Variants in MYT1 observed in about 807,000 individuals in gnomAD.
MYT1 encodes the protein myelin transcription factor 1, also known as myelin transcription factor I.
Under a neutral mutation model 123.0 loss-of-function variants are expected in MYT1, and 23 were observed. The observed-to-expected ratio is 0.19, with a 90% CI of 0.13 to 0.26. The LOEUF is 0.26. Ranked by LOEUF, MYT1 falls within the 10% of genes least tolerant of loss-of-function variation. The probability of loss-of-function intolerance (pLI) is 1.00; values close to 1 mark genes in which losing one functional copy is unlikely to be tolerated. For missense variants in MYT1, 1,125 were observed against 1,472.5 expected (o/e 0.76, Z 3.86); for synonymous variants, 518 against 575.3 (o/e 0.90, Z 1.43).
intron 10 of MYT1, among the ~76,000 whole-genome samples, chr20:64,214,241 G>A (rs998910820): frequency 2.6e-5 from 4 of 152,122 alleles, no homozygotes; most frequent in Non-Finnish European, 5.9e-5. Context: ...ATGTTCACAC[G>A]CCTGTTTGTG....
Position 64,213,826 on chromosome 20 carries a change from C to T in MYT1, c.1631+179C>T, listed in dbSNP as rs375079260. 1.8e-3 allele frequency among the ~76,000 whole-genome samples: 269 copies of T among 152,260 alleles called. 15 individuals carry two copies. In the South Asian group the frequency reaches 0.054, roughly 31 times the overall value. The stretch of plus-strand genomic sequence containing the variant: ...CCCGGGCCCCCCAGGAGCAGAACTG[C>T]GGGGCAGTTTTGGAGCCACACAGGA... On this transcript the variant is annotated intron_variant, in intron 10 of 22. Transcript: ENST00000328439. The surrounding 1 kb of genome is among the most constrained non-coding windows in gnomAD (Gnocchi z 5.6).
intron 1 of MYT1, among the ~76,000 whole-genome samples, chr20:64,181,130 A>G (rs189767094): frequency 6.6e-6 from 1 of 151,938 alleles, no homozygotes; most frequent in African/African-American, 2.4e-5. Flanking sequence ...ACTTTTTCCC[A>G]CTTCAAAAGC....
rs769540275 is a variant in MYT1 at position 64,212,110 on chromosome 20, G to A, written c.1489G>A (p.Val497Met). Residue 497 changes from valine (V) to methionine (M), a missense_variant, in exon 9 of 23, where the codon GTG becomes ATG. This residue lies in a region of MYT1 where 429 missense variants were observed against 604.1 expected (regional missense o/e 0.71). Transcript: ENST00000328439. The surrounding 1 kb of genome is among the most constrained non-coding windows in gnomAD (Gnocchi z 6.8). ...PTPGCTGQGH[V>M]NSNRNTHRSL... ...TCCTGGCTGCACAGGCCAGGGTCACGTGAACAGCAACCGCAACACGCACAG... is the reference window on the plus strand; with the variant it reads ...TCCTGGCTGCACAGGCCAGGGTCACATGAACAGCAACCGCAACACGCACAG... 2 of 1,613,312 alleles carry A rather than the reference G, an allele frequency of 1.2e-6. No homozygotes were observed.
At chr20:64,207,265 A>G (rs1568710360) in intron 6 of MYT1, among the ~76,000 whole-genome samples, 1 of 152,364 alleles carries the variant, frequency 6.6e-6, no homozygotes, top group East Asian at 1.9e-4. Context: ...ATTGTATACA[A>G]TGCAGGTTTA....
chr20:64,207,803 G>C lies in MYT1; in HGVS notation c.607G>C (p.Glu203Gln). The C allele has an allele frequency of 1.2e-6, 2 of 1,613,928 alleles. No individual in the cohort carries two copies. Among genetic ancestry groups the C allele is most frequent in the Non-Finnish European group, 1.7e-6 (2 of 1,179,976 alleles). Reference protein sequence around the residue: ...GIVHLLQEAAEGAASEEGEKG... With the variant: ...GIVHLLQEAAQGAASEEGEKG... ...TGTGCACCTGCTTCAGGAGGCTGCA[G>C]AGGGAGCTGCCAGCGAGGAGGGTGA... The change falls in exon 7 of 23, where the codon GAG (glutamate) becomes CAG (glutamine). Residue 203 changes from glutamate to glutamine, a missense_variant. By Grantham distance (29) the Glu-to-Gln change is conservative. Coordinates refer to ENST00000328439, the MANE Select transcript of MYT1 (RefSeq NM_004535.3).
chr20:64,228,044 A>AACTCCT, intron 18 of MYT1, 73 bp downstream of exon 18: 1 of 1,406,640 alleles, frequency 7.1e-7, no homozygotes, highest in Admixed American at 1.9e-5. Flanking sequence ...AATGTAAAAA[A>AACTCCT]ACTCCTACTA....
Position 64,232,823 on chromosome 20 carries a change from G to C in MYT1, c.2897+438G>C, listed in dbSNP as rs145148281. Among the ~76,000 whole-genome samples, 406 of 146,368 alleles carry C rather than the reference G, an allele frequency of 2.8e-3. 2 individuals carry two copies. The highest frequency in any genetic ancestry group is 0.016 in the East Asian group (82 of 5,120). Reference sequence around the variant, plus strand: ...GTCTCCTACACCTTATGCCCTGTCCGTCCCATTCATGCCTCTTCTTTGAAC... The same window carrying C: ...GTCTCCTACACCTTATGCCCTGTCCCTCCCATTCATGCCTCTTCTTTGAAC... On this transcript the variant is annotated intron_variant, in intron 19 of 22. Coordinates refer to ENST00000328439, the MANE Select transcript of MYT1 (RefSeq NM_004535.3). The surrounding 1 kb of genome is among the most constrained non-coding windows in gnomAD (Gnocchi z 6.9).
chr20:64,190,502 C>T lies in MYT1; in HGVS notation c.-1+342C>T, dbSNP rs1409775053. On this transcript the variant is annotated intron_variant, in intron 2 of 22. Transcript: ENST00000328439. The surrounding 1 kb of genome is among the most constrained non-coding windows in gnomAD (Gnocchi z 4.1). Reference sequence around the variant, plus strand: ...CAGCCTGGCCAACATGGTGAAACCCCGTCTTTACTAAAAACACAAAAATTA... The same window carrying T: ...CAGCCTGGCCAACATGGTGAAACCCTGTCTTTACTAAAAACACAAAAATTA... Among the ~76,000 whole-genome samples the T allele has an allele frequency of 1.3e-5, 2 of 150,962 alleles. No homozygotes were observed. Among genetic ancestry groups the T allele is most frequent in the African/African-American group, 2.4e-5 (1 of 40,950 alleles).
chr20:64,227,456 G>A lies in MYT1; in HGVS notation c.2570G>A (p.Gly857Glu). Residue 857 changes from glycine to glutamate, a missense_variant, in exon 17 of 23, where the codon GGG becomes GAG. Gly to Glu is a moderately conservative substitution (Grantham distance 98, BLOSUM62 -2). Around this residue, in one of 4 missense-constraint regions of MYT1, gnomAD observed 47 missense variants for 113.1 expected, o/e 0.42. Coordinates refer to ENST00000328439, the MANE Select transcript of MYT1 (RefSeq NM_004535.3). ...TGTGACGGCTCTGGCCACATCACAG[G>A]GAACTACGCTTCACACCGGAGGTGA... Reference protein sequence around the residue: ...PGCDGSGHITGNYASHRSLSG... With the variant: ...PGCDGSGHITENYASHRSLSG... 6.2e-7 allele frequency: 1 copy of A among 1,612,718 alleles called. No homozygotes were observed. Among genetic ancestry groups the A allele is most frequent in the Non-Finnish European group, 8.5e-7 (1 of 1,179,802 alleles).
At chr20:64,187,111 G>C (rs563217559) in intron 1 of MYT1, among the ~76,000 whole-genome samples, 6 of 144,432 alleles carry the variant, frequency 4.2e-5, no homozygotes, top group Admixed American at 2.8e-4. Flanking sequence ...TCCGTGGAGA[G>C]TTTTCCTGTG....
chr20:64,228,108 G>A (rs1035247629), intron 18 of MYT1, 137 bp downstream of exon 18: 49 of 781,862 alleles, frequency 6.3e-5, no homozygotes, highest in Middle Eastern at 2.4e-4. Context: ...GCCAACTTTC[G>A]TTTCTTTCAT....
In MYT1 at chr20:64,232,150, C is replaced by G; in HGVS notation, c.2676-14C>G. The G allele has an allele frequency of 6.2e-7, 1 of 1,612,378 alleles. No individual in the cohort carries two copies. The highest frequency in any genetic ancestry group is 8.5e-7 in the Non-Finnish European group (1 of 1,179,732). ...CCTTCGCCCCTGTACTCACCCCGGC[C>G]TCTCTGTACCCAGGTGCCCAGTTCC... On this transcript the variant is annotated splice_polypyrimidine_tract_variant and intron_variant, in intron 18 of 22. Coordinates refer to ENST00000328439, the MANE Select transcript of MYT1 (RefSeq NM_004535.3). The surrounding 1 kb of genome is among the most constrained non-coding windows in gnomAD (Gnocchi z 6.9).
intron 22 of MYT1, 44 bp downstream of exon 22, chr20:64,239,947 G>C: frequency 6.2e-7 from 1 of 1,600,384 alleles, no homozygotes; most frequent in South Asian, 1.1e-5. Context: ...TACCCCCCAG[G>C]GTCTCTTCGG....
rs1984365775 is a variant in MYT1, at chr20:64,232,907, A to C, written c.2897+522A>C. On this transcript the variant is annotated intron_variant, in intron 19 of 22. Transcript: ENST00000328439. This position sits in a 1 kb window ranked among gnomAD's most constrained non-coding sequence, Gnocchi z 6.9. ...AGCTGGTAACCCCTCTCTGTCAGGC[A>C]GTGGGCCTGGGCAGCATTCACCAAC... Among the ~76,000 whole-genome samples, 1 of 151,890 alleles carries C rather than the reference A, an allele frequency of 6.6e-6. No individual in the cohort carries two copies. Among genetic ancestry groups the C allele is most frequent in the Non-Finnish European group, 1.5e-5 (1 of 67,934 alleles).
chr20:64,176,579 G>A (rs1468303499), intron 1 of MYT1, among the ~76,000 whole-genome samples: 3 of 152,388 alleles, frequency 2.0e-5, no homozygotes, highest in African/African-American at 7.2e-5. Context: ...TGGGTGTGGG[G>A]CGAATGTGCT....
chr20:64,195,058 G>T (rs1484210134), intron 2 of MYT1, among the ~76,000 whole-genome samples: 1 of 151,092 alleles, frequency 6.6e-6, no homozygotes, highest in Admixed American at 6.6e-5. Context: ...ACCACACCCG[G>T]CTAATTTTTG....
intron 1 of MYT1, among the ~76,000 whole-genome samples, chr20:64,172,325 G>T (rs1414899542): frequency 6.6e-6 from 1 of 152,206 alleles, no homozygotes; most frequent in Non-Finnish European, 1.5e-5. Flanking sequence ...CAGTTGGAGA[G>T]CCTGGGATTG....
At chr20:64,184,964 G>A (rs1048332817) in intron 1 of MYT1, among the ~76,000 whole-genome samples, 4 of 152,330 alleles carry the variant, frequency 2.6e-5, no homozygotes, top group African/African-American at 9.6e-5. Flanking sequence ...GACACGCACC[G>A]CAGTGATGTC....
In MYT1 at chr20:64,193,070, A is replaced by G. The variant is rs1271504866; in HGVS notation, c.-1+2910A>G. On this transcript the variant is annotated intron_variant, in intron 2 of 22. Transcript: ENST00000328439. This position sits in a 1 kb window ranked among gnomAD's most constrained non-coding sequence, Gnocchi z 4.0. ...AATGCCCCATGGAGGTGTCCTTTCT[A>G]TACCCCAAGGAGGAGGCTGGTCTAT... Among the ~76,000 whole-genome samples, 1 of 152,210 alleles carries G rather than the reference A, an allele frequency of 6.6e-6. No homozygotes were observed.
Sources: allele counts gnomAD v4.1 joint callset (sites outside exome capture counted in the v4.1 genomes callset), GRCh38; gene constraint gnomAD v4.1.1; regional missense constraint gnomAD v4.1.1; non-coding constraint Gnocchi (gnomAD v3.1); transcripts MANE v1.5; gene names NCBI Gene and HGNC (gene_info 2026-07-23, HGNC 2026-07-21).